Variants in LSAMP observed in about 807,000 individuals in gnomAD.
LSAMP encodes the protein limbic system-associated membrane protein.
A neutral mutation model predicts 38.6 loss-of-function variants in LSAMP; 7 were observed. The observed-to-expected ratio is 0.18, with a 90% CI of 0.10 to 0.34. The LOEUF is 0.34. LSAMP is among the 10% of genes least tolerant of loss of function. The probability of loss-of-function intolerance (pLI) is 1.00; values close to 1 mark genes in which losing one functional copy is unlikely to be tolerated. For missense variants in LSAMP, 313 were observed against 420.0 expected, an observed-to-expected ratio of 0.75 and a Z score of 2.23; for synonymous variants, 154 against 166.8, an observed-to-expected ratio of 0.92 and a Z score of 0.59.
rs1553712540 is a variant in LSAMP, at chr3:116,197,161, ACACT to A, written c.156-110609_156-110606del. Among the ~76,000 whole-genome samples, 266 of 150,114 alleles carry A rather than the reference ACACT, an allele frequency of 1.8e-3. 1 individual carries two copies. The highest frequency in any genetic ancestry group is 2.9e-3 in the Non-Finnish European group (196 of 67,742). On this transcript the variant is annotated intron_variant, in intron 1 of 6. Transcript: ENST00000490035. ...CACACACACACACACACACACACAC[ACACT>A]CTCTCTCTCTCTCACTCACTTTGTC...
chr3:116,093,942 A>G (rs1172552623), intron 1 of LSAMP, among the ~76,000 whole-genome samples: 1 of 152,198 alleles, frequency 6.6e-6, no homozygotes, highest in Non-Finnish European at 1.5e-5. Flanking sequence ...AAGTGATGCT[A>G]TATATTCCCA....
intron 1 of LSAMP, among the ~76,000 whole-genome samples, chr3:116,432,893 A>G (rs576312732): frequency 6.6e-6 from 1 of 152,332 alleles, no homozygotes; most frequent in East Asian, 1.9e-4. Context: ...CAGAGGTCAG[A>G]AAGAGAGACA....
chr3:116,334,104 A>G (rs1469383804), intron 1 of LSAMP, among the ~76,000 whole-genome samples: 1 of 152,052 alleles, frequency 6.6e-6, no homozygotes, highest in Non-Finnish European at 1.5e-5. Context: ...TTAGAAGTCA[A>G]TACTATTAAC....
At chr3:116,366,337 G>A (rs1027327447) in intron 1 of LSAMP, among the ~76,000 whole-genome samples, 11 of 152,174 alleles carry the variant, frequency 7.2e-5, no homozygotes, top group Admixed American at 3.3e-4. Flanking sequence ...GAATCAACAT[G>A]TGACTTCTGT....
At chr3:116,174,688 C>A (rs1370230753) in intron 1 of LSAMP, among the ~76,000 whole-genome samples, 1 of 152,006 alleles carries the variant, frequency 6.6e-6, no homozygotes, top group Non-Finnish European at 1.5e-5. Flanking sequence ...TTTCAGCTGA[C>A]TTTCTTATCG....
chr3:116,423,649 C>T (rs939046317), intron 1 of LSAMP, among the ~76,000 whole-genome samples: 1 of 152,140 alleles, frequency 6.6e-6, no homozygotes, highest in African/African-American at 2.4e-5. Flanking sequence ...CTCCACGGTC[C>T]CTGGCTGAAT....
At chr3:116,136,849 A>T (rs1709260746) in intron 1 of LSAMP, among the ~76,000 whole-genome samples, 1 of 152,060 alleles carries the variant, frequency 6.6e-6, no homozygotes, top group South Asian at 2.1e-4. Context: ...TCATTCAATC[A>T]CCACACCACC....
At chr3:115,937,267 C>T (rs1280263463) in intron 3 of LSAMP, among the ~76,000 whole-genome samples, 1 of 152,052 alleles carries the variant, frequency 6.6e-6, no homozygotes, top group Non-Finnish European at 1.5e-5. Flanking sequence ...ATTTCAGGCA[C>T]AATGAATAAA....
chr3:116,014,884 T>C (rs77102181), intron 3 of LSAMP, among the ~76,000 whole-genome samples: 1 of 152,128 alleles, frequency 6.6e-6, no homozygotes, highest in East Asian at 1.9e-4. Context: ...GCTGGTCATA[T>C]TGGGTGAGTT....
At chr3:115,965,057 C>G (rs965771135) in intron 3 of LSAMP, among the ~76,000 whole-genome samples, 1 of 151,932 alleles carries the variant, frequency 6.6e-6, no homozygotes, top group East Asian at 1.9e-4. Context: ...AAAGAGCATA[C>G]AGTAACTAAG....
At chr3:116,329,677 G>A (rs1032039289) in intron 1 of LSAMP, among the ~76,000 whole-genome samples, 2 of 151,922 alleles carry the variant, frequency 1.3e-5, no homozygotes, top group Non-Finnish European at 2.9e-5. Context: ...AATTTCGGAG[G>A]GGGACTTTAT....
chr3:116,245,081 G>A (rs956186232), intron 1 of LSAMP, among the ~76,000 whole-genome samples: 4 of 152,140 alleles, frequency 2.6e-5, no homozygotes, highest in African/African-American at 4.8e-5. Context: ...AGGAGATAGA[G>A]TCTAAAGAGG....
chr3:116,248,237 A>G (rs567997421), intron 1 of LSAMP, among the ~76,000 whole-genome samples: 151 of 152,344 alleles, frequency 9.9e-4, no homozygotes, highest in Non-Finnish European at 1.8e-3. Flanking sequence ...AAATGGTTTC[A>G]GAAAGGAAAT....
At chr3:116,091,630 G>A (rs892663530) in intron 1 of LSAMP, among the ~76,000 whole-genome samples, 2 of 152,192 alleles carry the variant, frequency 1.3e-5, no homozygotes, top group Non-Finnish European at 2.9e-5. Flanking sequence ...TCCGTTTGGG[G>A]TCCCTGACTT....
intron 6 of LSAMP, chr3:115,841,516 CCTCTG>C (rs1294225542): frequency 5.2e-6 from 1 of 192,238 alleles, no homozygotes; most frequent in East Asian, 1.3e-4. Flanking sequence ...TTTTACATCA[CCTCTG>C]CTTCTTAAAG....
chr3:115,989,827 A>G (rs566517969), intron 3 of LSAMP, among the ~76,000 whole-genome samples: 3 of 152,198 alleles, frequency 2.0e-5, no homozygotes, highest in Admixed American at 2.0e-4. Context: ...TTAATGATAA[A>G]TGACTTAAAT....
intron 1 of LSAMP, among the ~76,000 whole-genome samples, chr3:116,266,526 G>A (rs2046894054): frequency 6.6e-6 from 1 of 152,142 alleles, no homozygotes; most frequent in Admixed American, 6.6e-5. Flanking sequence ...AGCAGAGGGT[G>A]TTCAATAAAT....
At chr3:115,868,111 T>C (rs1047198270) in intron 3 of LSAMP, among the ~76,000 whole-genome samples, 2 of 152,198 alleles carry the variant, frequency 1.3e-5, no homozygotes, top group South Asian at 4.1e-4. Context: ...AGGCATCTTC[T>C]GCACATCAGG....
In LSAMP at chr3:115,810,245, G is replaced by A; in HGVS notation, c.*72C>T. 1 of 839,602 alleles carries A rather than the reference G, an allele frequency of 1.2e-6. No homozygotes were observed. Among genetic ancestry groups the A allele is most frequent in the South Asian group, 1.8e-5 (1 of 54,852 alleles). 52.0% of individuals were successfully genotyped at this position (839,602 alleles called of 1,614,324 possible). A position where few individuals can be genotyped will look rare whatever the true frequency, so the allele number is the denominator to read the frequency against. The stretch of plus-strand genomic sequence containing the variant: ...CATCTCTCTCTCTCTCTCTCTCTCT[G>A]TCTCTCTCTCTCTGTATTCTGTGTG... On this transcript the variant is annotated 3_prime_UTR_variant, in exon 7 of 7. Coordinates refer to ENST00000490035, the MANE Select transcript of LSAMP (RefSeq NM_002338.5).
Sources: allele counts gnomAD v4.1 joint callset (sites outside exome capture counted in the v4.1 genomes callset), GRCh38; gene constraint gnomAD v4.1.1; transcripts MANE v1.5; gene names NCBI Gene and HGNC (gene_info 2026-07-23, HGNC 2026-07-21).